SERPINB2: variants seen among roughly 807,000 people sequenced by gnomAD.
The protein encoded by SERPINB2 is serpin family B member 2.
Under a neutral mutation model 39.4 loss-of-function variants are expected in SERPINB2, and 28 were observed. That is an observed-to-expected ratio of 0.71 (90% CI 0.53 to 0.97). The LOEUF (loss-of-function observed/expected upper bound fraction) is 0.97. Ranked by LOEUF, SERPINB2 falls within the 50% of genes least tolerant of loss-of-function variation. The probability of loss-of-function intolerance (pLI) is 0.00; values close to 1 mark genes in which losing one functional copy is unlikely to be tolerated. For synonymous variants in SERPINB2, 209 were observed against 175.1 expected (o/e 1.19, Z -1.53); for missense variants, 557 against 505.3 (o/e 1.10, Z -0.98).
At position 63,902,465 on chromosome 18, in the gene SERPINB2, A is replaced by G; in HGVS notation, c.740A>G (p.Glu247Gly). Residue 247 changes from glutamate (E) to glycine (G), a missense_variant, in exon 7 of 8, where the codon GAA becomes GGA. Glu to Gly is a moderately conservative substitution (Grantham distance 98). Transcript: ENST00000299502. ...GAAAAGCTAAACATTGGATACATAG[A>G]AGACCTAAAGGCTCAGATTCTAGAA... ...LREKLNIGYI[E>G]DLKAQILELP... 6.2e-7 allele frequency: 1 copy of G among 1,613,648 alleles called. No homozygotes were observed. Among genetic ancestry groups the G allele is most frequent in the Non-Finnish European group, 8.5e-7 (1 of 1,179,678 alleles).
chr18:63,888,380 A>G (rs1373180818), intron 1 of SERPINB2, among the ~76,000 whole-genome samples: 2 of 152,204 alleles, frequency 1.3e-5, no homozygotes, highest in East Asian at 3.9e-4. Context: ...AAATAACTTA[A>G]TATCCCATAA....
In SERPINB2 at chr18:63,903,461, T is replaced by C. The variant is rs1346232835; in HGVS notation, c.*156T>C. On this transcript the variant is annotated 3_prime_UTR_variant, in exon 8 of 8. Coordinates refer to ENST00000299502, the MANE Select transcript of SERPINB2 (RefSeq NM_002575.3). Reference sequence around the variant, plus strand: ...CACTAAATAAAAACACAGAAATAATTAGACAATTGTCTATTATAACATGAC... The same window carrying C: ...CACTAAATAAAAACACAGAAATAATCAGACAATTGTCTATTATAACATGAC... The C allele has an allele frequency of 1.6e-6, 1 of 608,652 alleles. No homozygotes were observed. Among genetic ancestry groups the C allele is most frequent in the Non-Finnish European group, 2.5e-6 (1 of 396,364 alleles). 37.7% of individuals were successfully genotyped at this position (608,652 alleles called of 1,614,324 possible).
chr18:63,890,560 C>T (rs1233984869), intron 1 of SERPINB2: 1 of 152,224 alleles, frequency 6.6e-6, no homozygotes, highest in Non-Finnish European at 1.5e-5. Context: ...CATTCAGTTG[C>T]CTGCAGAGCC....
Position 63,895,252 on chromosome 18 carries a change from T to C in SERPINB2, c.169-12T>C, listed in dbSNP as rs1448636126. On this transcript the variant is annotated splice_polypyrimidine_tract_variant and intron_variant, in intron 2 of 7. Transcript: ENST00000299502. ...GGGCAAGTGTAACCGTTTTCTCTAA[T>C]TCTGATTGCAGGTGCTTCAGTTTAA... 1.2e-6 allele frequency: 2 copies of C among 1,612,664 alleles called. No homozygotes were observed. Among genetic ancestry groups the C allele is most frequent in the South Asian group, 2.2e-5 (2 of 90,640 alleles).
chr18:63,895,296 A>G lies in SERPINB2; in HGVS notation c.201A>G (p.Ala67=). 2 of 1,614,120 alleles carry G rather than the reference A, an allele frequency of 1.2e-6. No homozygotes were observed. Among genetic ancestry groups the G allele is most frequent in the African/African-American group, 1.3e-5 (1 of 75,054 alleles). The part of the protein sequence containing the change: ...VLQFNEVGAN[A]VTPMTPENFT... ...AGTTTAATGAAGTGGGAGCCAATGC[A>G]GTTACCCCCATGACTCCAGAGAACT... Residue 67 remains alanine (A), a synonymous_variant, in exon 3 of 8, where the codon GCA becomes GCG. Transcript: ENST00000299502.
chr18:63,897,282 C>A (rs2049966026), intron 4 of SERPINB2, 63 bp downstream of exon 4: 14 of 1,553,676 alleles, frequency 9.0e-6, no homozygotes, highest in Non-Finnish European at 1.2e-5. Context: ...ACTTTCAAAG[C>A]AGTTCTCTAC....
chr18:63,890,060 C>T (rs2049915960), intron 1 of SERPINB2: 1 of 152,194 alleles, frequency 6.6e-6, no homozygotes, highest in South Asian at 2.1e-4. Flanking sequence ...ACCTCTACCT[C>T]ATACAGATTC....
chr18:63,900,993 T>C (rs1471941410), intron 5 of SERPINB2, among the ~76,000 whole-genome samples: 1 of 152,108 alleles, frequency 6.6e-6, no homozygotes, highest in Non-Finnish European at 1.5e-5. Context: ...ATAATATATT[T>C]TGATGCTTGG....
Position 63,897,904 on chromosome 18 carries a change from T to G in SERPINB2, c.535+60T>G, listed in dbSNP as rs17072020. ...CAGTTAGAAAACTCTGATCTATCTT[T>G]TTCCATCCATGAACTTAGTTAGCCC... On this transcript the variant is annotated intron_variant, in intron 5 of 7. Transcript: ENST00000299502. 4,296 of 1,176,230 alleles carry G rather than the reference T, an allele frequency of 3.7e-3. 133 individuals carry two copies. In the African/African-American group the frequency reaches 0.058, roughly 16 times the overall value. 72.9% of individuals were successfully genotyped at this position (1,176,230 alleles called of 1,614,324 possible). A position where few individuals can be genotyped will look rare whatever the true frequency, so the allele number is the denominator to read the frequency against.
At position 63,891,456 on chromosome 18, in the gene SERPINB2, T is replaced by G; in HGVS notation, c.12T>G (p.Leu4=). 1.2e-6 allele frequency: 2 copies of G among 1,614,144 alleles called. No homozygotes were observed. Among genetic ancestry groups the G allele is most frequent in the Non-Finnish European group, 1.7e-6 (2 of 1,180,018 alleles). Residue 4 remains leucine, a synonymous_variant, in exon 2 of 8, where the codon CTT becomes CTG. Transcript: ENST00000299502. ...TCTAGATTGAAACAATGGAGGATCT[T>G]TGTGTGGCAAACACACTCTTTGCCC... The part of the protein sequence containing the change: MED[L]CVANTLFALN...
rs201086309 is a variant in SERPINB2 at position 63,903,193 on chromosome 18, G to A, written c.1136G>A (p.Gly379Glu). 1.6e-5 allele frequency: 26 copies of A among 1,613,308 alleles called. 1 individual carries two copies. In the Middle Eastern group the frequency reaches 1.2e-3, roughly 72 times the overall value. The change falls in exon 8 of 8, where the codon GGG (glycine) becomes GAG (glutamate). Residue 379 changes from glycine to glutamate, a missense_variant. Physicochemically the swap from Gly to Glu is moderately conservative, Grantham distance 98. Coordinates refer to ENST00000299502, the MANE Select transcript of SERPINB2 (RefSeq NM_002575.3). ...GCTGGCACAGGAGGTGTTATGACAG[G>A]GAGAACTGGACATGGAGGCCCACAG... ...AAAGTGGVMTGRTGHGGPQFV... is the reference protein window; with the variant it reads ...AAAGTGGVMTERTGHGGPQFV...
intron 5 of SERPINB2, 48 bp from the exon 6 acceptor site, chr18:63,901,692 T>C: frequency 7.4e-7 from 1 of 1,347,518 alleles, no homozygotes; most frequent in Non-Finnish European, 9.8e-7. Flanking sequence ...GTAAGTAATT[T>C]CACAGTTCTT....
At chr18:63,901,704 A>T (rs1234586426) in intron 5 of SERPINB2, 36 bp from the exon 6 acceptor site, 15 of 1,450,504 alleles carry the variant, frequency 1.0e-5, no homozygotes, top group Non-Finnish European at 1.4e-5. Context: ...ACAGTTCTTG[A>T]TTATGAAACC....
rs181336717 is a variant in SERPINB2 at position 63,890,519 on chromosome 18, A to G, written c.-9-917A>G. 11 of 152,356 alleles carry G rather than the reference A, an allele frequency of 7.2e-5. No homozygotes were observed. The East Asian group carries it at 1.9e-3, about 27-fold the overall frequency. 9.4% of individuals were successfully genotyped at this position (152,356 alleles called of 1,614,324 possible). The stretch of plus-strand genomic sequence containing the variant: ...GGAAAGACGATCATTGGTCAGGACC[A>G]AAAAACACACACACCTTGGGTGTGA... On this transcript the variant is annotated intron_variant, in intron 1 of 7. Coordinates refer to ENST00000299502, the MANE Select transcript of SERPINB2 (RefSeq NM_002575.3).
At chr18:63,894,287 C>A (rs3786335) in intron 2 of SERPINB2, among the ~76,000 whole-genome samples, 40,117 of 152,012 alleles carry the variant, frequency 0.26, 5,741 homozygotes, top group East Asian at 0.48. Context: ...TGCACCACTT[C>A]TTTTCAGAGA....
At position 63,903,265 on chromosome 18, in the gene SERPINB2, C is replaced by A. The variant is rs773616916; in HGVS notation, c.1208C>A (p.Thr403Asn). 6.4e-7 allele frequency: 1 copy of A among 1,559,036 alleles called. No individual in the cohort carries two copies. Among genetic ancestry groups the A allele is most frequent in the Non-Finnish European group, 8.7e-7 (1 of 1,154,418 alleles). ...CTTTTTCTTATTATGCATAAGATAA[C>A]CAACTGCATTTTATTTTTCGGCAGA... ...PFLFLIMHKITNCILFFGRFS... is the reference protein window; with the variant it reads ...PFLFLIMHKINNCILFFGRFS... The change falls in exon 8 of 8, where the codon ACC becomes AAC. Residue 403 changes from threonine (T) to asparagine (N), a missense_variant. Transcript: ENST00000299502.
intron 5 of SERPINB2, among the ~76,000 whole-genome samples, chr18:63,898,191 C>G (rs780703189): frequency 6.6e-6 from 1 of 152,152 alleles, no homozygotes; most frequent in Admixed American, 6.5e-5. Context: ...CAAGGCTTGA[C>G]CCTGAGCTTA....
At chr18:63,893,233 T>G (rs1415451966) in intron 2 of SERPINB2, among the ~76,000 whole-genome samples, 7 of 152,288 alleles carry the variant, frequency 4.6e-5, no homozygotes, top group Non-Finnish European at 7.4e-5. Flanking sequence ...CGGCCTAGGT[T>G]TTTTTGTTTT....
At chr18:63,890,255 C>T (rs1447614185) in intron 1 of SERPINB2, among the ~76,000 whole-genome samples, 2 of 152,028 alleles carry the variant, frequency 1.3e-5, no homozygotes, top group African/African-American at 2.4e-5. Flanking sequence ...AAGAAAGAAG[C>T]GACCAATGGT....
Sources: allele counts gnomAD v4.1 joint callset (sites outside exome capture counted in the v4.1 genomes callset), GRCh38; gene constraint gnomAD v4.1.1; transcripts MANE v1.5; gene names NCBI Gene and HGNC (gene_info 2026-07-23, HGNC 2026-07-21).